The following DYNC2I2 variants were observed in gnomAD, a reference collection of about 807,000 sequenced individuals.
The protein encoded by DYNC2I2 is cytoplasmic dynein 2 intermediate chain 2.
A neutral mutation model predicts 52.0 loss-of-function variants in DYNC2I2; 39 were observed. The ratio of observed to expected loss-of-function variants is 0.75; its 90% CI spans 0.58 to 0.98. The LOEUF (loss-of-function observed/expected upper bound fraction) is 0.98. DYNC2I2 is among the 50% of genes least tolerant of loss of function. The probability of loss-of-function intolerance (pLI) is 0.00; values close to 1 mark genes in which losing one functional copy is unlikely to be tolerated. For missense variants in DYNC2I2, 743 were observed against 728.4 expected, an observed-to-expected ratio of 1.02 and a Z score of -0.23; for synonymous variants, 359 against 321.1, an observed-to-expected ratio of 1.12 and a Z score of -1.26.
chr9:128,639,036 C>T (rs192357026), intron 2 of DYNC2I2, among the ~76,000 whole-genome samples: 3 of 152,274 alleles, frequency 2.0e-5, no homozygotes, highest in Non-Finnish European at 2.9e-5. Context: ...TCTCAGGAGG[C>T]TGAGGCAGGA....
intron 1 of DYNC2I2, among the ~76,000 whole-genome samples, chr9:128,645,591 TG>T (rs1292640072): frequency 9.0e-6 from 1 of 111,642 alleles, no homozygotes; most frequent in African/African-American, 3.5e-5. Context: ...CACTCTGGCC[TG>T]GGCAACAAAG....
the DYNC2I2 span, among the ~76,000 whole-genome samples, chr9:128,669,150 G>C: frequency 2.0e-5 from 3 of 152,060 alleles, no homozygotes; most frequent in African/African-American, 7.2e-5. Flanking sequence ...CGGATCACGA[G>C]GTCAGGAGAT....
intron 1 of DYNC2I2, among the ~76,000 whole-genome samples, chr9:128,641,569 TCC>T (rs1380215442): frequency 6.6e-6 from 1 of 152,086 alleles, no homozygotes; most frequent in Non-Finnish European, 1.5e-5. Context: ...GAGGCCAGCC[TCC>T]CTTTCTTACA....
At position 128,636,158 on chromosome 9, in the gene DYNC2I2, G is replaced by C; in HGVS notation, c.703+123C>G. The C allele has an allele frequency of 2.1e-6, 3 of 1,421,500 alleles. No individual in the cohort carries two copies. The East Asian group carries it at 7.5e-5, about 35-fold the overall frequency. 88.1% of individuals were successfully genotyped at this position (1,421,500 alleles called of 1,614,324 possible). ...GACCTTCACCTGGGCTCCAGACTGAGAGGGTCAGGGCCCGCCTTCCTGTCT... is the reference window on the plus strand; with the variant it reads ...GACCTTCACCTGGGCTCCAGACTGACAGGGTCAGGGCCCGCCTTCCTGTCT... On this transcript the variant is annotated intron_variant, in intron 4 of 8. Transcript: ENST00000372715.
intron 2 of DYNC2I2, among the ~76,000 whole-genome samples, chr9:128,638,261 G>T (rs529384722): frequency 7.9e-5 from 12 of 151,090 alleles, no homozygotes; most frequent in African/African-American, 1.5e-4. Flanking sequence ...GCTCATGCCT[G>T]TAATCCCAGC....
the DYNC2I2 span, among the ~76,000 whole-genome samples, chr9:128,669,490 G>C: frequency 6.6e-6 from 1 of 152,166 alleles, no homozygotes; most frequent in African/African-American, 2.4e-5. Flanking sequence ...CTGAGGTCGG[G>C]AGTTCAAGAC....
At chr9:128,639,871 G>A (rs1231221169) in intron 2 of DYNC2I2, among the ~76,000 whole-genome samples, 2 of 152,082 alleles carry the variant, frequency 1.3e-5, no homozygotes, top group African/African-American at 2.4e-5. Context: ...TCACTATGTT[G>A]GCCAGGCTGG....
chr9:128,640,633 A>T (rs1860495194), intron 2 of DYNC2I2, 58 bp downstream of exon 2: 23 of 1,569,094 alleles, frequency 1.5e-5, no homozygotes, highest in Non-Finnish European at 2.0e-5. Flanking sequence ...AAGGAAAACA[A>T]GAGGAGACAG....
chr9:128,665,738 C>T, the DYNC2I2 span, among the ~76,000 whole-genome samples: 5 of 146,958 alleles, frequency 3.4e-5, no homozygotes, highest in South Asian at 1.1e-3. Flanking sequence ...CCACTATACT[C>T]CGGCCTGGGC....
chr9:128,674,779 C>T, the DYNC2I2 span, among the ~76,000 whole-genome samples: 4 of 152,192 alleles, frequency 2.6e-5, no homozygotes, highest in Non-Finnish European at 4.4e-5. Context: ...GGAGTTTAGC[C>T]ATGTCGTGCG....
chr9:128,648,794 C>A (rs926807026), intron 1 of DYNC2I2, among the ~76,000 whole-genome samples: 1 of 80,034 alleles, frequency 1.2e-5, no homozygotes, highest in Non-Finnish European at 3.3e-5. Context: ...AGGGAGACTC[C>A]GTTTCAAAAA....
At chr9:128,639,290 C>T (rs1252888117) in intron 2 of DYNC2I2, among the ~76,000 whole-genome samples, 5 of 151,922 alleles carry the variant, frequency 3.3e-5, no homozygotes, top group African/African-American at 1.2e-4. Context: ...CCCAGCTGCT[C>T]AGGAGGCTGA....
rs1391542069 is a variant in DYNC2I2 at position 128,635,695 on chromosome 9, C to A, written c.776G>T (p.Gly259Val). 6.2e-7 allele frequency: 1 copy of A among 1,612,524 alleles called. No individual in the cohort carries two copies. The highest frequency in any genetic ancestry group is 2.2e-5 in the East Asian group (1 of 44,856). The change falls in exon 5 of 9, where the codon GGC becomes GTC. Residue 259 changes from glycine (G) to valine (V), a missense_variant. Gly to Val is a moderately radical substitution (Grantham distance 109, BLOSUM62 -3). Transcript: ENST00000372715. The stretch of plus-strand genomic sequence containing the variant: ...GTCTGTGTGGGTGTCATCCGTCAGG[C>A]CTGTGCGCCACAGCAGCGGGTCCTC... ...RLEDPLLWRTGLTDDTHTDPV... is the reference protein window; with the variant it reads ...RLEDPLLWRTVLTDDTHTDPV...
chr9:128,654,495 A>C (rs1860779339), intron 1 of DYNC2I2, among the ~76,000 whole-genome samples: 1 of 144,404 alleles, frequency 6.9e-6, no homozygotes, highest in Non-Finnish European at 1.5e-5. Flanking sequence ...CCCACCCCTC[A>C]CTCCTCTCCA....
intron 2 of DYNC2I2, among the ~76,000 whole-genome samples, chr9:128,637,359 C>T (rs551190063): frequency 4.1e-4 from 63 of 152,216 alleles, no homozygotes; most frequent in Non-Finnish European, 8.5e-4. Context: ...GTGCCCAACG[C>T]GGCCAAGTAC....
At chr9:128,635,065 C>A in intron 6 of DYNC2I2, 27 bp downstream of exon 6, 1 of 1,600,106 alleles carries the variant, frequency 6.2e-7, no homozygotes, top group Non-Finnish European at 8.5e-7. Context: ...CGGCGCAGGC[C>A]AGGGCAGTTT....
At chr9:128,647,799 C>T (rs1406899556) in intron 1 of DYNC2I2, among the ~76,000 whole-genome samples, 2 of 151,272 alleles carry the variant, frequency 1.3e-5, no homozygotes, top group Non-Finnish European at 2.9e-5. Flanking sequence ...TGTAATCAGA[C>T]CAGGACATCC....
intron 1 of DYNC2I2, among the ~76,000 whole-genome samples, chr9:128,642,742 G>A (rs1308140829): frequency 5.9e-5 from 9 of 151,916 alleles, no homozygotes; most frequent in Admixed American, 1.3e-4. Context: ...GTGACAGAGC[G>A]AGACTCCATT....
chr9:128,645,744 G>T (rs1376211922), intron 1 of DYNC2I2, among the ~76,000 whole-genome samples: 5 of 152,044 alleles, frequency 3.3e-5, no homozygotes, highest in Non-Finnish European at 7.3e-5. Context: ...TAAGCTTAGT[G>T]AGGAGGGCAT....
Sources: allele counts gnomAD v4.1 joint callset (sites outside exome capture counted in the v4.1 genomes callset), GRCh38; gene constraint gnomAD v4.1.1; transcripts MANE v1.5; gene names NCBI Gene and HGNC (gene_info 2026-07-23, HGNC 2026-07-21).